ARHGEF6: variants seen among roughly 807,000 people sequenced by gnomAD.
ARHGEF6 encodes the protein rho guanine nucleotide exchange factor 6.
A neutral mutation model predicts 70.3 loss-of-function variants in ARHGEF6; 9 were observed. The observed-to-expected ratio is 0.13, with a 90% CI of 0.08 to 0.22. ARHGEF6 has a LOEUF of 0.22. Among genes scored for constraint, ARHGEF6 ranks in the 10% least tolerant of loss-of-function variants. The probability of loss-of-function intolerance (pLI) is 1.00; values close to 1 mark genes in which losing one functional copy is unlikely to be tolerated. For synonymous variants in ARHGEF6, 201 were observed against 207.8 expected (o/e 0.97, Z 0.28); for missense variants, 470 against 563.0 (o/e 0.83, Z 1.67).
chrX:136,745,632 G>C (rs769592593), intron 3 of ARHGEF6, among the ~76,000 whole-genome samples: 92 of 111,710 alleles, frequency 8.2e-4, no homozygotes, highest in Non-Finnish European at 1.4e-3. Flanking sequence ...TGAACCAGTT[G>C]CAACAGTATG....
Position 136,686,502 on chromosome X carries a change from T to C in ARHGEF6, c.1246-679A>G, listed in dbSNP as rs750732237. 7.9e-5 allele frequency among the ~76,000 whole-genome samples: 8 copies of C among 101,693 alleles called. No homozygotes were observed. The East Asian group carries it at 9.2e-4, about 12-fold the overall frequency. 88.3% of individuals were successfully genotyped at this position (101,693 alleles called of 115,157 possible). ...GATACAACTGAATTTCATGATGACA[T>C]ACTGAAATTTCAAACCAAGAAAAAA... On this transcript the variant is annotated intron_variant, in intron 11 of 21. Coordinates refer to ENST00000250617, the MANE Select transcript of ARHGEF6 (RefSeq NM_004840.3).
chrX:136,765,053 G>T (rs1490171122), intron 2 of ARHGEF6, among the ~76,000 whole-genome samples: 4 of 111,789 alleles, frequency 3.6e-5, no homozygotes, highest in Non-Finnish European at 7.5e-5. Context: ...ATTACATTCC[G>T]GTTCTTCTTT....
intron 6 of ARHGEF6, among the ~76,000 whole-genome samples, chrX:136,721,337 C>A (rs1046737563): frequency 9.0e-6 from 1 of 111,453 alleles, no homozygotes; most frequent in African/African-American, 3.3e-5. Flanking sequence ...CTGGGGAGAG[C>A]AGATTGCTTG....
intron 2 of ARHGEF6, among the ~76,000 whole-genome samples, chrX:136,772,754 T>A (rs185763157): frequency 9.0e-6 from 1 of 111,169 alleles, no homozygotes; most frequent in Non-Finnish European, 1.9e-5. Context: ...TCCCAGCTAC[T>A]TGGGAGGCTG....
chrX:136,774,388 T>G (rs2077386078), intron 2 of ARHGEF6, among the ~76,000 whole-genome samples: 1 of 110,532 alleles, frequency 9.0e-6, no homozygotes, highest in Non-Finnish European at 1.9e-5. Flanking sequence ...TGGTGGCTCA[T>G]GCCTGTAATC....
rs1454844213 is a variant in ARHGEF6, at chrX:136,676,617, C to A, written c.1945+7G>T. ...TAAACAACTTTCAGAAAGTACAAAACACATACTTTTCCTAATCACATATTC... is the reference window on the plus strand; with the variant it reads ...TAAACAACTTTCAGAAAGTACAAAAAACATACTTTTCCTAATCACATATTC... On this transcript the variant is annotated splice_region_variant and intron_variant, in intron 18 of 21. Coordinates refer to ENST00000250617, the MANE Select transcript of ARHGEF6 (RefSeq NM_004840.3). 1 of 1,172,605 alleles carries A rather than the reference C, an allele frequency of 8.5e-7. No homozygotes were observed. The highest frequency in any genetic ancestry group is 1.2e-6 in the Non-Finnish European group (1 of 859,941).
chrX:136,739,415 G>C (rs373560940), intron 5 of ARHGEF6, among the ~76,000 whole-genome samples: 4 of 111,565 alleles, frequency 3.6e-5, no homozygotes, highest in African/African-American at 1.3e-4. Context: ...TAGGGGACGG[G>C]GTCTATGAGG....
intron 2 of ARHGEF6, among the ~76,000 whole-genome samples, chrX:136,761,996 C>A (rs1419050805): frequency 1.8e-5 from 2 of 110,916 alleles, no homozygotes; most frequent in African/African-American, 6.6e-5. Flanking sequence ...CTCACTGCAA[C>A]CTCCGCCTCC....
intron 21 of ARHGEF6, 73 bp from the exon 22 acceptor site, chrX:136,668,242 G>A (rs758590745): frequency 5.3e-6 from 6 of 1,137,508 alleles, no homozygotes; most frequent in African/African-American, 1.8e-5. Context: ...GCTCATCCTC[G>A]GGGCAGCTTT....
At chrX:136,679,002 C>T (rs187695948) in intron 16 of ARHGEF6, among the ~76,000 whole-genome samples, 2 of 111,893 alleles carry the variant, frequency 1.8e-5, no homozygotes, top group African/African-American at 6.5e-5. Context: ...ATCAAATGGC[C>T]TTTAAGGTTG....
At chrX:136,770,293 TAACA>T (rs1362238690) in intron 2 of ARHGEF6, among the ~76,000 whole-genome samples, 2 of 112,189 alleles carry the variant, frequency 1.8e-5, no homozygotes, top group South Asian at 3.6e-4. Flanking sequence ...ACAAATATAA[TAACA>T]AACAAAAACC....
intron 6 of ARHGEF6, among the ~76,000 whole-genome samples, chrX:136,724,078 CTTTT>C (rs777860865): frequency 1.0e-5 from 1 of 100,476 alleles, no homozygotes; most frequent in South Asian, 4.4e-4. Context: ...TTTTTTCTTT[CTTTT>C]TTTTTTTTTG....
chrX:136,684,359 G>A (rs149929290), intron 12 of ARHGEF6, among the ~76,000 whole-genome samples: 2 of 112,092 alleles, frequency 1.8e-5, no homozygotes, highest in African/African-American at 6.5e-5. Context: ...CCTTCCCTGG[G>A]GTATTTGCAT....
At chrX:136,747,224 C>G (rs2077102781) in intron 3 of ARHGEF6, among the ~76,000 whole-genome samples, 1 of 111,063 alleles carries the variant, frequency 9.0e-6, no homozygotes, top group Non-Finnish European at 1.9e-5. Flanking sequence ...TTTTTCTTCT[C>G]TGTTTTGTTA....
intron 9 of ARHGEF6, among the ~76,000 whole-genome samples, chrX:136,701,141 T>C (rs1218840796): frequency 9.1e-6 from 1 of 110,323 alleles, no homozygotes; most frequent in Admixed American, 9.6e-5. Flanking sequence ...GTACAAAAGG[T>C]GTAACATGCA....
intron 2 of ARHGEF6, among the ~76,000 whole-genome samples, chrX:136,771,950 G>A (rs1313618943): frequency 2.7e-5 from 3 of 112,143 alleles, no homozygotes; most frequent in Admixed American, 9.5e-5. Context: ...AAGAGATAAC[G>A]GCGCTCCTAT....
rs1417558619 is a variant in ARHGEF6 at position 136,666,156 on chromosome X, T to C, written c.*1873A>G. ...AGAACAACAGCCATTCCTAGAAATT[T>C]CTTTACTCTTCAGCTTCCAAACACG... On this transcript the variant is annotated 3_prime_UTR_variant, in exon 22 of 22. Coordinates refer to ENST00000250617, the MANE Select transcript of ARHGEF6 (RefSeq NM_004840.3). 1 of 112,458 alleles carries C rather than the reference T, an allele frequency of 8.9e-6. No individual in the cohort carries two copies. Among genetic ancestry groups the C allele is most frequent in the Non-Finnish European group, 1.9e-5 (1 of 53,281 alleles). The allele number at this position is 112,458 out of a possible 1,213,427, so 9.3% of individuals were successfully genotyped here.
At chrX:136,694,487 T>TG (rs1204034006) in intron 9 of ARHGEF6, among the ~76,000 whole-genome samples, 2 of 111,932 alleles carry the variant, frequency 1.8e-5, no homozygotes, top group African/African-American at 6.5e-5. Context: ...CACAACTTTT[T>TG]GGGGGGTTTC....
At chrX:136,722,254 T>C (rs998928258) in intron 6 of ARHGEF6, among the ~76,000 whole-genome samples, 1 of 111,913 alleles carries the variant, frequency 8.9e-6, no homozygotes, top group Non-Finnish European at 1.9e-5. Flanking sequence ...GAAATCTTCA[T>C]GACTTTCAAT....
Sources: gnomAD v4.1 joint callset for allele counts (sites outside exome capture counted in the v4.1 genomes callset) on GRCh38, gnomAD v4.1.1 for gene constraint, MANE v1.5 for transcripts, NCBI Gene and HGNC (gene_info 2026-07-23, HGNC 2026-07-21) for gene names.